The following SVIL variants were observed in gnomAD, a reference collection of about 807,000 sequenced individuals.
SVIL encodes supervillin.
SVIL carries 101 observed loss-of-function variants against 240.4 expected under a neutral mutation model. That is an observed-to-expected ratio of 0.42 (90% confidence interval 0.36 to 0.50). The LOEUF (loss-of-function observed/expected upper bound fraction) is 0.50, where lower values mean the gene tolerates loss of function less well. SVIL is among the 20% of genes least tolerant of loss of function. SVIL has a pLI of 0.01. For missense variants in SVIL, 2,512 were observed against 2,818.7 expected (o/e 0.89, Z 2.46); for synonymous variants, 999 against 1,100.0 (o/e 0.91, Z 1.82).
At chr10:29,474,061 C>G in intron 29 of SVIL, 72 bp from the exon 30 acceptor site, 1 of 1,565,012 alleles carries the variant, frequency 6.4e-7, no homozygotes, top group Non-Finnish European at 8.6e-7. Flanking sequence ...GTCTGGCTCA[C>G]TTTCCCCGGG....
chr10:29,621,672 A>T (rs1957646866), intron 1 of SVIL, among the ~76,000 whole-genome samples: 1 of 152,244 alleles, frequency 6.6e-6, no homozygotes. Context: ...CTGTGGGCCC[A>T]TGGCAGGAGG....
intron 30 of SVIL, among the ~76,000 whole-genome samples, chr10:29,473,363 G>A (rs1945807474): frequency 6.6e-6 from 1 of 152,204 alleles, no homozygotes; most frequent in African/African-American, 2.4e-5. Context: ...AGTGATCAAA[G>A]TTTTAAGGTT....
intron 2 of SVIL, among the ~76,000 whole-genome samples, chr10:29,680,520 G>A (rs1248456540): frequency 6.6e-6 from 1 of 152,236 alleles, no homozygotes; most frequent in Non-Finnish European, 1.5e-5. Context: ...GCCCCGATGC[G>A]TGCTGTGATC....
intron 29 of SVIL, among the ~76,000 whole-genome samples, chr10:29,478,329 A>T (rs1946431702): frequency 6.6e-6 from 1 of 152,250 alleles, no homozygotes; most frequent in Admixed American, 6.5e-5. Flanking sequence ...AGTTAAAAAC[A>T]GTAATTACGC....
chr10:29,687,516 AC>A (rs1961168664), intron 1 of SVIL, among the ~76,000 whole-genome samples: 1 of 152,146 alleles, frequency 6.6e-6, no homozygotes, highest in Non-Finnish European at 1.5e-5. Context: ...ACATGGCAAA[AC>A]CCCCGTCTCT....
intron 1 of SVIL, among the ~76,000 whole-genome samples, chr10:29,690,608 A>G (rs1319062645): frequency 6.6e-6 from 1 of 152,006 alleles, no homozygotes; most frequent in South Asian, 2.1e-4. Flanking sequence ...AATGAATTTT[A>G]TATTTTAATT....
In SVIL at chr10:29,550,684, T is replaced by A. The variant is rs1267651279; in HGVS notation, c.740A>T (p.Lys247Met). Reference protein sequence around the residue: ...SSFTEVPRSPKHAHSSSLQQA... With the variant: ...SSFTEVPRSPMHAHSSSLQQA... ...CTGCAGGGAGGAGCTGTGGGCGTGC[T>A]TGGGGGACCGTGGCACTTCAGTGAA... Residue 247 changes from lysine to methionine, a missense_variant, in exon 6 of 38, where the codon AAG becomes ATG. Lys to Met is a moderately conservative substitution (Grantham distance 95, BLOSUM62 -1). Coordinates refer to ENST00000355867, the MANE Select transcript of SVIL (RefSeq NM_021738.3). 1 of 1,613,926 alleles carries A rather than the reference T, an allele frequency of 6.2e-7. No homozygotes were observed. Among genetic ancestry groups the A allele is most frequent in the Admixed American group, 1.7e-5 (1 of 59,986 alleles).
intron 1 of SVIL, among the ~76,000 whole-genome samples, chr10:29,596,885 T>A (rs1956612000): frequency 6.6e-6 from 1 of 152,234 alleles, no homozygotes; most frequent in South Asian, 2.1e-4. Context: ...GGCAGCTTCG[T>A]GTGATCCCGC....
chr10:29,498,088 CAAAAAAAAAAAAAAAAAAA>C (rs34280398), intron 18 of SVIL, among the ~76,000 whole-genome samples: 4 of 37,482 alleles, frequency 1.1e-4, no homozygotes, highest in African/African-American at 2.4e-4. Flanking sequence ...TCCCCTCCAC[CAAAAAAAAAAAAAAAAAAA>C]AAAAAAAAAA....
At chr10:29,649,149 G>A (rs1012262672) in intron 3 of SVIL, among the ~76,000 whole-genome samples, 2 of 152,034 alleles carry the variant, frequency 1.3e-5, no homozygotes, top group Non-Finnish European at 2.9e-5. Context: ...GACAGAGCGA[G>A]GCCCTGTCTA....
At chr10:29,618,406 A>G (rs1370546157) in intron 1 of SVIL, among the ~76,000 whole-genome samples, 2 of 152,200 alleles carry the variant, frequency 1.3e-5, no homozygotes, top group African/African-American at 4.8e-5. Flanking sequence ...CTGCTGAAGA[A>G]GCACAGCCTC....
intron 28 of SVIL, among the ~76,000 whole-genome samples, chr10:29,481,079 G>A (rs1208633186): frequency 6.6e-6 from 1 of 151,452 alleles, no homozygotes; most frequent in African/African-American, 2.4e-5. Context: ...ATTAGAATTG[G>A]AGGCCTGTCT....
At chr10:29,569,350 T>C (rs1955261703) in intron 1 of SVIL, 38 bp from the exon 2 acceptor site, 1 of 948,930 alleles carries the variant, frequency 1.1e-6, no homozygotes, top group Admixed American at 6.2e-5. Flanking sequence ...GAAATAGTTA[T>C]GCAAATTGTT....
chr10:29,696,886 C>T (rs1451281681), intron 1 of SVIL, among the ~76,000 whole-genome samples: 1 of 149,384 alleles, frequency 6.7e-6, no homozygotes, highest in African/African-American at 2.5e-5. Flanking sequence ...TGCCCGGCCG[C>T]CCCTACTGGG....
At chr10:29,667,436 G>T (rs868597236) in intron 2 of SVIL, among the ~76,000 whole-genome samples, 36 of 152,142 alleles carry the variant, frequency 2.4e-4, no homozygotes, top group Admixed American at 5.9e-4. Flanking sequence ...AACAGCAGTC[G>T]TTGCCAGAAT....
chr10:29,532,762 C>G lies in SVIL; in HGVS notation c.1605G>C (p.Arg535Ser). The G allele has an allele frequency of 6.2e-7, 1 of 1,614,104 alleles. No individual in the cohort carries two copies. Among genetic ancestry groups the G allele is most frequent in the Non-Finnish European group, 8.5e-7 (1 of 1,180,032 alleles). Residue 535 changes from arginine (R) to serine (S), a missense_variant, in exon 8 of 38, where the codon AGG becomes AGC. Arg to Ser is a moderately radical substitution (Grantham distance 110, BLOSUM62 -1). This residue lies in a region of SVIL where 1,443 missense variants were observed against 1,486.6 expected (regional missense o/e 0.97). Coordinates refer to ENST00000355867, the MANE Select transcript of SVIL (RefSeq NM_021738.3). ...SQDAKPTGHNREASKKRKVRT... is the reference protein window; with the variant it reads ...SQDAKPTGHNSEASKKRKVRT... ...GGACCTTGCGCTTTTTCGAGGCTTC[C>G]CTGTTGTGACCAGTTGGTTTGGCGT...
chr10:29,659,643 G>T (rs758671624), intron 2 of SVIL, among the ~76,000 whole-genome samples: 1 of 152,136 alleles, frequency 6.6e-6, no homozygotes, highest in Non-Finnish European at 1.5e-5. Flanking sequence ...GGGGTCAAAG[G>T]GGAGTCAGCC....
At chr10:29,539,599 T>C (rs549449040) in intron 6 of SVIL, among the ~76,000 whole-genome samples, 1 of 152,276 alleles carries the variant, frequency 6.6e-6, no homozygotes, top group African/African-American at 2.4e-5. Flanking sequence ...CTGGGCGCTG[T>C]GTAGCAATGA....
intron 12 of SVIL, among the ~76,000 whole-genome samples, chr10:29,528,566 C>A (rs1173319271): frequency 6.6e-6 from 1 of 151,744 alleles, no homozygotes; most frequent in Non-Finnish European, 1.5e-5. Flanking sequence ...TGGCAAAACC[C>A]CATCACCACA....
Sources: gnomAD v4.1 joint callset for allele counts (sites outside exome capture counted in the v4.1 genomes callset) on GRCh38, gnomAD v4.1.1 for gene constraint, gnomAD v4.1.1 regional missense constraint, MANE v1.5 for transcripts, NCBI Gene and HGNC (gene_info 2026-07-23, HGNC 2026-07-21) for gene names.